RNF38: variants seen among roughly 807,000 people sequenced by gnomAD.
The protein encoded by RNF38 is ring finger protein 38, also known as E3 ubiquitin-protein ligase RNF38.
In RNF38, 15 loss-of-function variants were observed where a neutral mutation model predicts 67.2. The ratio of observed to expected loss-of-function variants is 0.22; its 90% confidence interval spans 0.15 to 0.34. The LOEUF is 0.34. Among genes scored for constraint, RNF38 ranks in the 10% least tolerant of loss-of-function variants. RNF38 has a pLI of 1.00. For missense variants in RNF38, 524 were observed against 639.9 expected (o/e 0.82, Z 1.95); for synonymous variants, 220 against 218.8 (o/e 1.01, Z -0.05).
chr9:36,468,377 ACCT>A (rs1302736141), intron 1 of RNF38, among the ~76,000 whole-genome samples: 4 of 152,090 alleles, frequency 2.6e-5, no homozygotes, highest in African/African-American at 4.8e-5. Flanking sequence ...AAATATTCTG[ACCT>A]CCTTCTCTGG....
At chr9:36,458,658 C>T (rs1021081106) in intron 1 of RNF38, among the ~76,000 whole-genome samples, 2 of 151,918 alleles carry the variant, frequency 1.3e-5, no homozygotes, top group Admixed American at 6.6e-5. Context: ...AAGGAAGTTC[C>T]GGACACATCT....
At chr9:36,402,540 A>C (rs1337317304), upstream of RNF38, among the ~76,000 whole-genome samples, 1 of 152,032 alleles carries the variant, frequency 6.6e-6, no homozygotes, top group African/African-American at 2.4e-5. Flanking sequence ...GACCACCCTG[A>C]AGTAGCTTTT....
intron 4 of RNF38, among the ~76,000 whole-genome samples, chr9:36,363,152 A>G (rs960266143): frequency 1.0e-5 from 1 of 99,808 alleles, no homozygotes; most frequent in African/African-American, 3.0e-5. Flanking sequence ...CTGAAGTACA[A>G]TGGCACAATC....
intron 1 of RNF38, among the ~76,000 whole-genome samples, chr9:36,461,999 C>T (rs1041224318): frequency 1.3e-5 from 2 of 152,022 alleles, no homozygotes. Context: ...CATGCAGTGA[C>T]CGGGAAAAGA....
chr9:36,361,953 C>CT (rs1358617301), intron 4 of RNF38, among the ~76,000 whole-genome samples: 1 of 152,206 alleles, frequency 6.6e-6, no homozygotes, highest in African/African-American at 2.4e-5. Flanking sequence ...GCAATGAAGA[C>CT]TGTGTTACAA....
intron 1 of RNF38, among the ~76,000 whole-genome samples, chr9:36,399,441 TATG>T (rs1837814088): frequency 6.7e-6 from 1 of 148,764 alleles, no homozygotes; most frequent in South Asian, 2.1e-4. Context: ...ATGAACAATG[TATG>T]ATTAGCAGGT....
chr9:36,435,924 C>T (rs953372868), intron 1 of RNF38, among the ~76,000 whole-genome samples: 5 of 152,186 alleles, frequency 3.3e-5, no homozygotes, highest in Non-Finnish European at 2.9e-5. Context: ...CCACCGCGCC[C>T]GGACTCTGAA....
At chr9:36,340,091 C>T (rs905845979) in intron 11 of RNF38, among the ~76,000 whole-genome samples, 4 of 152,014 alleles carry the variant, frequency 2.6e-5, no homozygotes, top group African/African-American at 4.8e-5. Context: ...GCGATTCTCC[C>T]GTCTCAGCCT....
chr9:36,394,252 C>T (rs1217677083), intron 1 of RNF38, among the ~76,000 whole-genome samples: 2 of 151,262 alleles, frequency 1.3e-5, no homozygotes, highest in African/African-American at 4.9e-5. Context: ...TCCAGCCTGG[C>T]GACAGAGCAA....
chr9:36,369,335 T>C (rs1835202786), intron 4 of RNF38, among the ~76,000 whole-genome samples: 1 of 152,148 alleles, frequency 6.6e-6, no homozygotes, highest in South Asian at 2.1e-4. Flanking sequence ...TGAGTTCAAG[T>C]GATTCTTCTG....
In RNF38 at chr9:36,478,260, C is replaced by T. The variant is rs191935438; in HGVS notation, n.241+9048G>A. Among the ~76,000 whole-genome samples, 625 of 151,524 alleles carry T rather than the reference C, an allele frequency of 4.1e-3. 2 individuals carry two copies. The highest frequency in any genetic ancestry group is 4.3e-3 in the Non-Finnish European group (295 of 67,866). ...TCTACTAAAAATACAAAAAATTACC[C>T]GGGCGTGGTAGCGGGCATCTGTAGT... is the stretch of plus-strand genomic sequence containing the variant. On this transcript the variant is annotated intron_variant and non_coding_transcript_variant, in intron 1 of 3. Coordinates refer to the RNF38 transcript ENST00000488058.
At chr9:36,370,622 T>A (rs1239009032) in intron 3 of RNF38, among the ~76,000 whole-genome samples, 1 of 152,228 alleles carries the variant, frequency 6.6e-6, no homozygotes, top group East Asian at 1.9e-4. Context: ...ATTTGCTTGT[T>A]GGGCCAGGTG....
intron 1 of RNF38, among the ~76,000 whole-genome samples, chr9:36,435,234 T>C (rs1463459460): frequency 6.6e-6 from 1 of 152,174 alleles, no homozygotes; most frequent in East Asian, 1.9e-4. Flanking sequence ...ATTTTTAAAT[T>C]TTTGAACCAT....
intron 2 of RNF38, among the ~76,000 whole-genome samples, chr9:36,421,294 C>T (rs1337774995): frequency 6.6e-6 from 1 of 152,184 alleles, no homozygotes; most frequent in South Asian, 2.1e-4. Flanking sequence ...ATCTGGTCTA[C>T]CCCTAGCACT....
intron 3 of RNF38, among the ~76,000 whole-genome samples, chr9:36,371,934 C>CTT (rs1292005987): frequency 0.031 from 4,333 of 140,704 alleles, 219 homozygotes; most frequent in African/African-American, 0.099. Flanking sequence ...TTTTTCTTTT[C>CTT]TTTTTTTTTT....
intron 4 of RNF38, among the ~76,000 whole-genome samples, chr9:36,366,534 G>C (rs1254754713): frequency 3.3e-5 from 5 of 152,002 alleles, no homozygotes; most frequent in Non-Finnish European, 2.9e-5. Context: ...TCAATTCTTA[G>C]TTCTAACAAT....
At chr9:36,453,969 T>G (rs1839522884) in intron 1 of RNF38, among the ~76,000 whole-genome samples, 2 of 152,208 alleles carry the variant, frequency 1.3e-5, no homozygotes, top group African/African-American at 4.8e-5. Flanking sequence ...AAGGTAGAAG[T>G]GGAGATGCAT....
At chr9:36,355,951 A>ATTC (rs1400886382) in intron 6 of RNF38, among the ~76,000 whole-genome samples, 7 of 152,088 alleles carry the variant, frequency 4.6e-5, no homozygotes, top group Admixed American at 2.6e-4. Context: ...GATTCAAGCG[A>ATTC]TTCTCATGTC....
At chr9:36,400,382 G>C, upstream of RNF38, 2 of 1,170,238 alleles carry the variant, frequency 1.7e-6, no homozygotes, top group Non-Finnish European at 2.1e-6. Flanking sequence ...CCGGGCAGCG[G>C]GCCGGCGGCT....
Sources: allele counts gnomAD v4.1 joint callset (sites outside exome capture counted in the v4.1 genomes callset), GRCh38; gene constraint gnomAD v4.1.1; transcripts MANE v1.5; gene names NCBI Gene and HGNC (gene_info 2026-07-23, HGNC 2026-07-21).